Variants in LRRC4C observed in about 807,000 individuals in gnomAD.
LRRC4C encodes the protein leucine rich repeat containing 4C.
LRRC4C carries 5 observed loss-of-function variants against 33.6 expected under a neutral mutation model. The ratio of observed to expected loss-of-function variants is 0.15; its 90% CI spans 0.08 to 0.31. The LOEUF is 0.31. Among genes scored for constraint, LRRC4C ranks in the 10% least tolerant of loss-of-function variants. LRRC4C has a pLI of 1.00. For missense variants in LRRC4C, 560 were observed against 796.7 expected (o/e 0.70, Z 3.58); for synonymous variants, 329 against 302.0 (o/e 1.09, Z -0.93).
At chr11:40,704,104 T>C (rs370239723) in intron 2 of LRRC4C, among the ~76,000 whole-genome samples, 1 of 152,002 alleles carries the variant, frequency 6.6e-6, no homozygotes, top group East Asian at 1.9e-4. Flanking sequence ...AAATAAAAAA[T>C]ACAGTATAAC....
chr11:40,486,270 C>A (rs1953860946), intron 3 of LRRC4C, among the ~76,000 whole-genome samples: 1 of 151,234 alleles, frequency 6.6e-6, no homozygotes, highest in Non-Finnish European at 1.5e-5. Flanking sequence ...CAAGTCTTTT[C>A]TTTTTGCCAA....
intron 4 of LRRC4C, among the ~76,000 whole-genome samples, chr11:40,271,480 A>G (rs1402727668): frequency 6.6e-6 from 1 of 152,228 alleles, no homozygotes; most frequent in East Asian, 1.9e-4. Context: ...CAAAACTAGC[A>G]TAAACTGATA....
chr11:40,229,946 T>C (rs980096976), intron 5 of LRRC4C, among the ~76,000 whole-genome samples: 2 of 152,212 alleles, frequency 1.3e-5, no homozygotes, highest in East Asian at 1.9e-4. Flanking sequence ...ATTATCGTGA[T>C]GTTTGTGATA....
chr11:41,356,496 G>A (rs1303218199), intron 1 of LRRC4C, among the ~76,000 whole-genome samples: 1 of 152,102 alleles, frequency 6.6e-6, no homozygotes, highest in Non-Finnish European at 1.5e-5. Flanking sequence ...GCAGAATTAT[G>A]TCTCTGTTAG....
intron 5 of LRRC4C, among the ~76,000 whole-genome samples, chr11:40,146,896 G>A (rs142263417): frequency 8.1e-4 from 124 of 152,242 alleles, no homozygotes; most frequent in African/African-American, 2.9e-3. Flanking sequence ...TGGGTATAGC[G>A]CTTTCTAGGT....
chr11:41,306,287 A>G (rs1337859943), intron 1 of LRRC4C, among the ~76,000 whole-genome samples: 1 of 152,230 alleles, frequency 6.6e-6, no homozygotes, highest in Admixed American at 6.5e-5. Context: ...AAGCTCACAG[A>G]AAGCTAGTAG....
intron 1 of LRRC4C, among the ~76,000 whole-genome samples, chr11:41,302,143 T>C (rs1189754085): frequency 1.3e-5 from 2 of 152,138 alleles, no homozygotes; most frequent in Non-Finnish European, 2.9e-5. Flanking sequence ...GACTCAAAAA[T>C]TGGAAATTAG....
intron 1 of LRRC4C, among the ~76,000 whole-genome samples, chr11:40,943,710 C>T (rs372075879): frequency 2.0e-5 from 3 of 152,184 alleles, no homozygotes; most frequent in African/African-American, 7.2e-5. Context: ...GCTATCTCTC[C>T]TGTCGGGAGA....
At chr11:40,243,798 T>G (rs1384014881) in intron 4 of LRRC4C, among the ~76,000 whole-genome samples, 1 of 150,218 alleles carries the variant, frequency 6.7e-6, no homozygotes, top group Non-Finnish European at 1.5e-5. Flanking sequence ...CAAGTGATTC[T>G]CCTGCCTCAG....
rs546183171 is a variant in LRRC4C, at chr11:40,995,229, C to T, written c.-495-61506G>A. Among the ~76,000 whole-genome samples, 46 of 152,070 alleles carry T rather than the reference C, an allele frequency of 3.0e-4. 1 individual carries two copies. The South Asian group carries it at 9.5e-3, about 32-fold the overall frequency. ...AGCAAAATGTTTCTAAAAAATAAAC[C>T]ATGATGCATTGTCTGGTTTTGGGTC... is the stretch of plus-strand genomic sequence containing the variant. On this transcript the variant is annotated intron_variant, in intron 1 of 6. Transcript: ENST00000528697.
chr11:40,576,949 T>C (rs1229842795), intron 3 of LRRC4C, among the ~76,000 whole-genome samples: 1 of 152,222 alleles, frequency 6.6e-6, no homozygotes, highest in East Asian at 1.9e-4. Flanking sequence ...GGCTTGATTA[T>C]GGTAACTTAG....
intron 3 of LRRC4C, among the ~76,000 whole-genome samples, chr11:40,421,445 G>A (rs921972376): frequency 5.3e-5 from 8 of 152,182 alleles, no homozygotes; most frequent in Non-Finnish European, 8.8e-5. Flanking sequence ...AACCTTCCAT[G>A]CTGCATTCAG....
chr11:40,647,799 A>G (rs16935026), intron 3 of LRRC4C, among the ~76,000 whole-genome samples: 29,854 of 152,110 alleles, frequency 0.2, 3,010 homozygotes, highest in African/African-American at 0.23. Flanking sequence ...AAGAAGGACA[A>G]TCTGCCACTC....
intron 3 of LRRC4C, among the ~76,000 whole-genome samples, chr11:40,542,603 C>T (rs887738103): frequency 6.6e-6 from 1 of 151,924 alleles, no homozygotes; most frequent in African/African-American, 2.4e-5. Flanking sequence ...GGGAGTTTCC[C>T]TAGAGCAAGC....
intron 2 of LRRC4C, among the ~76,000 whole-genome samples, chr11:40,875,989 C>T (rs1234094455): frequency 6.6e-6 from 1 of 151,988 alleles, no homozygotes; most frequent in Non-Finnish European, 1.5e-5. Context: ...TTTGTAATCT[C>T]GTTTTGGTTG....
At chr11:40,857,646 G>A (rs1330274945) in intron 2 of LRRC4C, among the ~76,000 whole-genome samples, 3 of 152,174 alleles carry the variant, frequency 2.0e-5, no homozygotes, top group Non-Finnish European at 4.4e-5. Flanking sequence ...GCATGGTTGT[G>A]GTTCATGCCC....
At chr11:40,504,675 G>C (rs1439993439) in intron 3 of LRRC4C, among the ~76,000 whole-genome samples, 1 of 152,014 alleles carries the variant, frequency 6.6e-6, no homozygotes, top group Non-Finnish European at 1.5e-5. Context: ...TAATTATTTT[G>C]GTCTAAAATC....
In LRRC4C at chr11:40,436,468, C is replaced by T. The variant is rs531337385; in HGVS notation, c.-269-116747G>A. 8.5e-4 allele frequency among the ~76,000 whole-genome samples: 129 copies of T among 152,268 alleles called. 1 individual carries two copies. In the South Asian group the frequency reaches 0.015, roughly 18 times the overall value. On this transcript the variant is annotated intron_variant, in intron 3 of 6. Transcript: ENST00000528697. ...GCAAATTTCCTGGCCAGGAGAAATA[C>T]ATTTCCTAGAAAATGCTCCAGTCTA...
At chr11:40,641,850 G>A (rs906307554) in intron 3 of LRRC4C, among the ~76,000 whole-genome samples, 3 of 152,208 alleles carry the variant, frequency 2.0e-5, no homozygotes, top group East Asian at 1.9e-4. Flanking sequence ...TTATATTTGC[G>A]AATAGTTATT....
Sources: gnomAD v4.1 joint callset for allele counts (sites outside exome capture counted in the v4.1 genomes callset) on GRCh38, gnomAD v4.1.1 for gene constraint, MANE v1.5 for transcripts, NCBI Gene and HGNC (gene_info 2026-07-23, HGNC 2026-07-21) for gene names.